DNAI1: variants seen among roughly 807,000 people sequenced by gnomAD.
DNAI1 encodes the protein dynein, axonemal, intermediate polypeptide 1.
Under a neutral mutation model 92.0 loss-of-function variants are expected in DNAI1, and 67 were observed. That is an observed-to-expected ratio of 0.73 (90% CI 0.60 to 0.89). DNAI1 has a LOEUF of 0.89. DNAI1 is among the 40% of genes least tolerant of loss of function. The probability of loss-of-function intolerance (pLI) is 0.00; values close to 1 mark genes in which losing one functional copy is unlikely to be tolerated. For missense variants in DNAI1, 839 were observed against 866.6 expected, an observed-to-expected ratio of 0.97 and a Z score of 0.40; for synonymous variants, 323 against 319.6, an observed-to-expected ratio of 1.01 and a Z score of -0.11.
intron 4 of DNAI1, chr9:34,488,059 G>T (rs1325085267): frequency 5.1e-6 from 2 of 392,528 alleles, no homozygotes; most frequent in Non-Finnish European, 1.0e-5. Context: ...TTTATTCCTT[G>T]GGAATCTTCA....
In DNAI1 at chr9:34,514,426, C is replaced by T. The variant is rs1825131591; in HGVS notation, c.1602C>T (p.Asp534=). Residue 534 remains aspartate, a synonymous_variant, in exon 17 of 20, where the codon GAC becomes GAT. Coordinates refer to ENST00000242317, the MANE Select transcript of DNAI1 (RefSeq NM_012144.4). ...CSKSYSSQFL[D]TYDAHNMSVD... ...AATCCTACTCCAGCCAATTCCTCGA[C>T]ACCTATGACGCCCACAACATGTCAG... The T allele has an allele frequency of 6.2e-7, 1 of 1,614,112 alleles. No individual in the cohort carries two copies. The highest frequency in any genetic ancestry group is 1.3e-5 in the African/African-American group (1 of 74,932).
intron 10 of DNAI1, among the ~76,000 whole-genome samples, chr9:34,500,470 C>T (rs151001110): frequency 1.7e-3 from 256 of 152,278 alleles, no homozygotes; most frequent in Middle Eastern, 3.4e-3. Context: ...TAATGTACCT[C>T]CAACAACAAC....
chr9:34,468,291 C>T (rs374559473), intron 1 of DNAI1, among the ~76,000 whole-genome samples: 2 of 151,962 alleles, frequency 1.3e-5, no homozygotes, highest in Admixed American at 6.5e-5. Flanking sequence ...ACGCCATTCT[C>T]CTGCCTCAGC....
chr9:34,497,579 C>G (rs1426309420), intron 10 of DNAI1, among the ~76,000 whole-genome samples: 1 of 152,150 alleles, frequency 6.6e-6, no homozygotes, highest in Non-Finnish European at 1.5e-5. Flanking sequence ...ATAGAGGTCT[C>G]GATCTTCCTC....
At position 34,501,165 on chromosome 9, in the gene DNAI1, A is replaced by G. The variant is rs769600278; in HGVS notation, c.1047A>G (p.Ala349=). The change falls in exon 12 of 20, where the codon GCA becomes GCG. Residue 349 remains alanine (A), a synonymous_variant. Transcript: ENST00000242317. Reference sequence around the variant, plus strand: ...ATCCAAAGTACAGGGATCTGTTTGCAGTGGGATATGGCTCTTGTAAGTGAT... The same window carrying G: ...ATCCAAAGTACAGGGATCTGTTTGCGGTGGGATATGGCTCTTGTAAGTGAT... ...CWNPKYRDLF[A]VGYGSYDFMK... is the part of the protein sequence containing the mutation. 6.2e-7 allele frequency: 1 copy of G among 1,613,650 alleles called. No homozygotes were observed. Among genetic ancestry groups the G allele is most frequent in the South Asian group, 1.1e-5 (1 of 91,080 alleles).
At chr9:34,505,214 A>G (rs1824901132) in intron 12 of DNAI1, among the ~76,000 whole-genome samples, 1 of 152,140 alleles carries the variant, frequency 6.6e-6, no homozygotes, top group Non-Finnish European at 1.5e-5. Context: ...ACAGGGCTGC[A>G]TTCCCTCTTG....
chr9:34,511,920 C>G (rs1825071944), intron 13 of DNAI1, among the ~76,000 whole-genome samples, 189 bp from the exon 14 acceptor site: 1 of 151,998 alleles, frequency 6.6e-6, no homozygotes, highest in Non-Finnish European at 1.5e-5. Flanking sequence ...TGAGAAATCC[C>G]CAAGAAAGGA....
chr9:34,489,376 C>G lies in DNAI1; in HGVS notation c.315C>G (p.Thr105=). 6.2e-7 allele frequency: 1 copy of G among 1,614,010 alleles called. No individual in the cohort carries two copies. The highest frequency in any genetic ancestry group is 8.5e-7 in the Non-Finnish European group (1 of 1,179,928). The change falls in exon 5 of 20, where the codon ACC becomes ACG. Residue 105 remains threonine, a synonymous_variant. Transcript: ENST00000242317. ...TGAACCAACTGGCAGTTCACTACACCCAGGTTGGGAACCTGATCCCCAAAG... is the reference window on the plus strand; with the variant it reads ...TGAACCAACTGGCAGTTCACTACACGCAGGTTGGGAACCTGATCCCCAAAG... ...GFVNQLAVHY[T]QVGNLIPKDS...
chr9:34,493,275 G>C lies in DNAI1; in HGVS notation c.763G>C (p.Ala255Pro), dbSNP rs373703151. 1.2e-6 allele frequency: 2 copies of C among 1,614,160 alleles called. No individual in the cohort carries two copies. Reference protein sequence around the residue: ...KEKEKAKTPVAKKSGKMAMRK... With the variant: ...KEKEKAKTPVPKKSGKMAMRK... ...GAAGGAGAAGGCAAAGACCCCAGTGGCTAAAAAATCAGGGAAGATGGCCAT... is the reference window on the plus strand; with the variant it reads ...GAAGGAGAAGGCAAAGACCCCAGTGCCTAAAAAATCAGGGAAGATGGCCAT... The change falls in exon 9 of 20, where the codon GCT becomes CCT. Residue 255 changes from alanine to proline, a missense_variant. Coordinates refer to ENST00000242317, the MANE Select transcript of DNAI1 (RefSeq NM_012144.4).
chr9:34,494,676 T>C (rs10814115), intron 9 of DNAI1, among the ~76,000 whole-genome samples: 27,420 of 152,136 alleles, frequency 0.18, 2,683 homozygotes, highest in East Asian at 0.33. Flanking sequence ...GCAGAGTTGG[T>C]GTCTAACATC....
In DNAI1 at chr9:34,520,945, C is replaced by G. The variant is rs940181564; in HGVS notation, c.*189C>G. 3.0e-6 allele frequency: 2 copies of G among 656,912 alleles called. No homozygotes were observed. The highest frequency in any genetic ancestry group is 3.6e-5 in the African/African-American group (2 of 55,820). The allele number at this position is 656,912 out of a possible 1,614,324, so 40.7% of individuals were successfully genotyped here. ...AGGACTTGGTCTTCAACCACCATTA[C>G]CCCTCTAACTTTGCACAAATAAACC... is the stretch of plus-strand genomic sequence containing the variant. On this transcript the variant is annotated 3_prime_UTR_variant, in exon 20 of 20. Transcript: ENST00000242317.
chr9:34,468,251 G>A (rs1415490771), intron 1 of DNAI1, among the ~76,000 whole-genome samples: 6 of 151,586 alleles, frequency 4.0e-5, no homozygotes, highest in South Asian at 2.1e-4. Flanking sequence ...GCGCGATCTC[G>A]GCTCACTGCA....
In DNAI1 at chr9:34,490,065, G is replaced by A. The variant is rs769745424; in HGVS notation, c.442G>A (p.Glu148Lys). Reference protein sequence around the residue: ...ISETGNLEEDEEPKELETEPG... With the variant: ...ISETGNLEEDKEPKELETEPG... Reference sequence around the variant, plus strand: ...AGAAACAGGAAACCTCGAAGAAGACGAAGAGCCCAAGGAGTTAGAAACTGA... The same window carrying A: ...AGAAACAGGAAACCTCGAAGAAGACAAAGAGCCCAAGGAGTTAGAAACTGA... Residue 148 changes from glutamate to lysine, a missense_variant, in exon 6 of 20, where the codon GAA (glutamate) becomes AAA (lysine). By Grantham distance (56) the Glu-to-Lys change is moderately conservative. Transcript: ENST00000242317. 9 of 1,614,210 alleles carry A rather than the reference G, an allele frequency of 5.6e-6. No homozygotes were observed. Among genetic ancestry groups the A allele is most frequent in the East Asian group, 2.2e-5 (1 of 44,886 alleles).
rs552859226 is a variant in DNAI1, at chr9:34,518,322, C to T, written c.2001+855C>T. Among the ~76,000 whole-genome samples the T allele has an allele frequency of 2.7e-3, 405 of 152,372 alleles. 2 individuals carry two copies. The highest frequency in any genetic ancestry group is 2.4e-3 in the Non-Finnish European group (166 of 68,032). ...GCCTGTGTCTTTCGACTACTGTCTT[C>T]CCTGCACTGTGCTCCTACCAAGGAA... On this transcript the variant is annotated intron_variant, in intron 19 of 19. Transcript: ENST00000242317.
chr9:34,464,047 C>A (rs1464034490), intron 1 of DNAI1, among the ~76,000 whole-genome samples: 1 of 152,178 alleles, frequency 6.6e-6, no homozygotes, highest in Non-Finnish European at 1.5e-5. Flanking sequence ...TAGATATGAT[C>A]TTTTACTCCC....
chr9:34,465,667 T>C (rs1330445086), intron 1 of DNAI1, among the ~76,000 whole-genome samples: 1 of 152,246 alleles, frequency 6.6e-6, no homozygotes, highest in Non-Finnish European at 1.5e-5. Context: ...ACTCAGTACA[T>C]GCCAGGTACT....
chr9:34,485,159 T>C lies in DNAI1; in HGVS notation c.99T>C (p.Thr33=), dbSNP rs776354497. The C allele has an allele frequency of 1.2e-6, 2 of 1,614,220 alleles. No homozygotes were observed. The highest frequency in any genetic ancestry group is 3.3e-5 in the Admixed American group (2 of 60,022). The change falls in exon 3 of 20, where the codon ACT becomes ACC. Residue 33 remains threonine, a synonymous_variant. Coordinates refer to ENST00000242317, the MANE Select transcript of DNAI1 (RefSeq NM_012144.4). ...GTRKRDEDSG[T]EVGEGTDEWA... is the part of the protein sequence containing the mutation. ...TTGTCTAGGATGAAGATTCAGGGAC[T>C]GAAGTGGGAGAAGGCACAGATGAAT...
chr9:34,491,415 TTC>T, intron 7 of DNAI1, 78 bp from the exon 8 acceptor site: 1 of 1,527,824 alleles, frequency 6.5e-7, no homozygotes, highest in South Asian at 1.1e-5. Context: ...GCCAAAATGC[TTC>T]TCTCAAAGAT....
chr9:34,465,213 A>G (rs1588087170), intron 1 of DNAI1, among the ~76,000 whole-genome samples: 2 of 152,208 alleles, frequency 1.3e-5, no homozygotes, highest in African/African-American at 4.8e-5. Flanking sequence ...TTTTAAGATG[A>G]CAGACTTGAA....
Sources: gnomAD v4.1 joint callset for allele counts (sites outside exome capture counted in the v4.1 genomes callset) on GRCh38, gnomAD v4.1.1 for gene constraint, MANE v1.5 for transcripts, NCBI Gene and HGNC (gene_info 2026-07-23, HGNC 2026-07-21) for gene names.